The following THAP4 variants were observed in gnomAD, a reference collection of about 807,000 sequenced individuals.
THAP4 encodes THAP domain containing 4.
In THAP4, 18 loss-of-function variants were observed where a neutral mutation model predicts 48.1. That is an observed-to-expected ratio of 0.37 (90% confidence interval 0.26 to 0.56). The LOEUF is 0.56. Among genes scored for constraint, THAP4 ranks in the 20% least tolerant of loss-of-function variants. The pLI, the probability that THAP4 is intolerant of heterozygous loss-of-function variation, is 0.78. For synonymous variants in THAP4, 345 were observed against 324.9 expected, an observed-to-expected ratio of 1.06 and a Z score of -0.66; for missense variants, 656 against 774.9, an observed-to-expected ratio of 0.85 and a Z score of 1.82.
At chr2:241,617,649 G>A in intron 2 of THAP4, 1 of 591,476 alleles carries the variant, frequency 1.7e-6, no homozygotes, top group Non-Finnish European at 2.9e-6. Flanking sequence ...AGCTTTGGAG[G>A]TTAGGTGAAT....
chr2:241,611,496 G>A (rs547375918), intron 2 of THAP4, among the ~76,000 whole-genome samples: 1 of 152,240 alleles, frequency 6.6e-6, no homozygotes, highest in Admixed American at 6.5e-5. Context: ...GCCAAGGCGG[G>A]TGGATCATCT....
At chr2:241,629,600 A>G (rs1427333295) in intron 2 of THAP4, among the ~76,000 whole-genome samples, 2 of 152,080 alleles carry the variant, frequency 1.3e-5, no homozygotes, top group East Asian at 3.8e-4. Flanking sequence ...ACAATTGTAA[A>G]TGACTAAATT....
intron 5 of THAP4, among the ~76,000 whole-genome samples, chr2:241,598,511 G>A (rs753260582): frequency 5.3e-5 from 8 of 152,138 alleles, no homozygotes; most frequent in Non-Finnish European, 1.0e-4. Context: ...TGGTTTCATG[G>A]AAGACAATTT....
At chr2:241,619,707 G>A (rs1379636407) in intron 2 of THAP4, among the ~76,000 whole-genome samples, 1 of 146,434 alleles carries the variant, frequency 6.8e-6, no homozygotes, top group South Asian at 2.1e-4. Context: ...GTGAGTCGGT[G>A]AGTGAAGGGT....
At chr2:241,627,355 T>C (rs979025936) in intron 2 of THAP4, among the ~76,000 whole-genome samples, 3 of 152,234 alleles carry the variant, frequency 2.0e-5, no homozygotes, top group Non-Finnish European at 4.4e-5. Flanking sequence ...GTGAATAATA[T>C]TTAACAGGCG....
rs753597419 is a variant in THAP4, at chr2:241,601,705, G to A, written c.1614+191C>T. ...AAAAAAACCACACCACTGACCAGCC[G>A]AGGAGGGGGCAATGAATTTAGGGAA... is the stretch of plus-strand genomic sequence containing the variant. On this transcript the variant is annotated intron_variant, in intron 5 of 5. Coordinates refer to ENST00000407315, the MANE Select transcript of THAP4 (RefSeq NM_015963.6). The surrounding 1 kb of genome is among the most constrained non-coding windows in gnomAD (Gnocchi z 4.0). 147 of 1,058,454 alleles carry A rather than the reference G, an allele frequency of 1.4e-4. No homozygotes were observed. Among genetic ancestry groups the A allele is most frequent in the Middle Eastern group, 6.3e-4 (3 of 4,764 alleles). The allele number at this position is 1,058,454 out of a possible 1,614,324, so 65.6% of individuals were successfully genotyped here.
At position 241,633,900 on chromosome 2, in the gene THAP4, T is replaced by C. The variant is rs962169710; in HGVS notation, c.257A>G (p.His86Arg). The change falls in exon 2 of 6, where the codon CAC becomes CGC. Residue 86 changes from histidine to arginine, a missense_variant. By Grantham distance (29) the His-to-Arg change is conservative. This residue lies in a region of THAP4 where 391 missense variants were observed against 412.4 expected (regional missense o/e 0.95). Transcript: ENST00000407315. The surrounding 1 kb of genome is among the most constrained non-coding windows in gnomAD (Gnocchi z 7.5). Reference sequence around the variant, plus strand: ...AGCCCCCCTCTTCTTCTCGGTCAGGTGGAAGATGGATGGCACGGCCGTGGG... The same window carrying C: ...AGCCCCCCTCTTCTTCTCGGTCAGGCGGAAGATGGATGGCACGGCCGTGGG... The part of the protein sequence containing the change: ...LKPTAVPSIF[H>R]LTEKKRGAGG... The C allele has an allele frequency of 6.2e-7, 1 of 1,613,832 alleles. No individual in the cohort carries two copies. The highest frequency in any genetic ancestry group is 1.3e-5 in the African/African-American group (1 of 74,868).
chr2:241,626,192 C>T (rs1208844243), intron 2 of THAP4, among the ~76,000 whole-genome samples: 5 of 152,184 alleles, frequency 3.3e-5, no homozygotes, highest in Admixed American at 2.6e-4. Flanking sequence ...CCTGTAATCC[C>T]AGCACTTTGG....
chr2:241,600,563 T>C (rs1289214876), intron 5 of THAP4, among the ~76,000 whole-genome samples: 2 of 151,258 alleles, frequency 1.3e-5, no homozygotes, highest in African/African-American at 4.9e-5. Context: ...CCGTCTCTAC[T>C]AAAAACACAA....
rs2067110753 is a variant in THAP4 at position 241,601,351 on chromosome 2, C to A, written c.1614+545G>T. On this transcript the variant is annotated intron_variant, in intron 5 of 5. Coordinates refer to ENST00000407315, the MANE Select transcript of THAP4 (RefSeq NM_015963.6). The surrounding 1 kb of genome is among the most constrained non-coding windows in gnomAD (Gnocchi z 4.0). ...TGCACAGAATAAGAAGCGTAAACAGCCAGTGAGCATGGGGAATGAGCCCTC... is the reference window on the plus strand; with the variant it reads ...TGCACAGAATAAGAAGCGTAAACAGACAGTGAGCATGGGGAATGAGCCCTC... Among the ~76,000 whole-genome samples, 4 of 152,104 alleles carry A rather than the reference C, an allele frequency of 2.6e-5. No individual in the cohort carries two copies. In the South Asian group the frequency reaches 8.3e-4, roughly 32 times the overall value.
chr2:241,634,170 C>G, intron 1 of THAP4, 91 bp from the exon 2 acceptor site: 3 of 1,001,362 alleles, frequency 3.0e-6, no homozygotes, highest in Non-Finnish European at 4.4e-6. Context: ...TATTTTTGCA[C>G]GCACCCTAAG....
intron 2 of THAP4, among the ~76,000 whole-genome samples, chr2:241,615,237 G>A (rs1486758441): frequency 1.3e-5 from 2 of 152,148 alleles, no homozygotes; most frequent in Admixed American, 6.5e-5. Context: ...AACCTGGACC[G>A]CTGGACGTGG....
chr2:241,610,016 C>T lies in THAP4; in HGVS notation c.1241-3543G>A, dbSNP rs528561562. Among the ~76,000 whole-genome samples, 73 of 151,906 alleles carry T rather than the reference C, an allele frequency of 4.8e-4. 1 individual carries two copies. Among genetic ancestry groups the T allele is most frequent in the African/African-American group, 1.8e-3 (73 of 41,446 alleles). On this transcript the variant is annotated intron_variant, in intron 2 of 5. Transcript: ENST00000407315. The surrounding 1 kb of genome is among the most constrained non-coding windows in gnomAD (Gnocchi z 4.2). Reference sequence around the variant, plus strand: ...GAGTCCAGGTTCTGAGCTGCTGCACCGGGGCCGCGATCTCCACCCCTCACG... The same window carrying T: ...GAGTCCAGGTTCTGAGCTGCTGCACTGGGGCCGCGATCTCCACCCCTCACG...
intron 2 of THAP4, among the ~76,000 whole-genome samples, chr2:241,611,338 G>T (rs752316002): frequency 6.6e-6 from 1 of 152,210 alleles, no homozygotes; most frequent in Non-Finnish European, 1.5e-5. Flanking sequence ...GACACCCCAG[G>T]TGTTCGCCCA....
rs775308211 is a variant in THAP4, at chr2:241,636,802, A to AGCGCCC, written c.77+133_77+138dup. ...GACGGCGGCCGGGCCAAGGTCACAC[A>AGCGCCC]GCGCCCACGCCCGCTCCCCCGCGCC... On this transcript the variant is annotated intron_variant, in intron 1 of 5. Transcript: ENST00000407315. 8.9e-3 allele frequency: 2,884 copies of AGCGCCC among 324,350 alleles called. 13 individuals carry two copies. Among genetic ancestry groups the AGCGCCC allele is most frequent in the Non-Finnish European group, 0.012 (2,630 of 227,740 alleles). 20.1% of individuals were successfully genotyped at this position (324,350 alleles called of 1,614,324 possible). A position where few individuals can be genotyped will look rare whatever the true frequency, so the allele number is the denominator to read the frequency against.
chr2:241,598,534 G>A (rs537170096), intron 5 of THAP4, among the ~76,000 whole-genome samples: 64 of 152,176 alleles, frequency 4.2e-4, no homozygotes, highest in Non-Finnish European at 8.5e-4. Context: ...CCACAGCTGT[G>A]GGGGTGGGGG....
intron 4 of THAP4, among the ~76,000 whole-genome samples, chr2:241,602,673 C>T (rs2067129709): frequency 6.6e-6 from 1 of 152,230 alleles, no homozygotes; most frequent in Non-Finnish European, 1.5e-5. Flanking sequence ...ACCTGTTTTC[C>T]AGCAATTCCT....
At chr2:241,589,120 G>A (rs1295041702) in intron 5 of THAP4, among the ~76,000 whole-genome samples, 1 of 151,674 alleles carries the variant, frequency 6.6e-6, no homozygotes, top group African/African-American at 2.4e-5. Flanking sequence ...GGCTGAGAGA[G>A]GATAATCGCT....
intron 2 of THAP4, among the ~76,000 whole-genome samples, chr2:241,614,983 T>A (rs975337373): frequency 2.6e-5 from 4 of 152,100 alleles, no homozygotes; most frequent in Admixed American, 2.6e-4. Flanking sequence ...TTCTAAATGG[T>A]CAAAGAAAGC....
Sources: gnomAD v4.1 joint callset for allele counts (sites outside exome capture counted in the v4.1 genomes callset) on GRCh38, gnomAD v4.1.1 for gene constraint, gnomAD v4.1.1 regional missense constraint, Gnocchi (gnomAD v3.1) non-coding constraint, MANE v1.5 for transcripts, NCBI Gene and HGNC (gene_info 2026-07-23, HGNC 2026-07-21) for gene names.